The following C1QTNF8 variants were observed in gnomAD, a reference collection of about 807,000 sequenced individuals.
C1QTNF8 encodes complement C1q tumor necrosis factor-related protein 8.
A neutral mutation model predicts 19.2 loss-of-function variants in C1QTNF8; 27 were observed. The observed-to-expected ratio is 1.41, with a 90% confidence interval of 1.04 to 1.94. The LOEUF (loss-of-function observed/expected upper bound fraction) is 1.94. Ranked by LOEUF, C1QTNF8 falls within the 30% of genes most tolerant of loss-of-function variation. The pLI is 0.00. For missense variants in C1QTNF8, 484 were observed against 374.4 expected (o/e 1.29, Z -2.42); for synonymous variants, 208 against 172.8 (o/e 1.20, Z -1.60).
In C1QTNF8 at chr16:1,094,802, G is replaced by A. The variant is rs777177347; in HGVS notation, c.121C>T (p.Arg41Trp). ...RPAWPPGPYARVSDRDLWRGD... is the reference protein window; with the variant it reads ...RPAWPPGPYAWVSDRDLWRGD... ...CTCCACAGGTCCCTGTCACTCACCC[G>A]GGCATAGGGTCCAGGGGGCCAGGCC... The change falls in exon 3 of 5, where the codon CGG (arginine) becomes TGG (tryptophan). Residue 41 changes from arginine (R) to tryptophan (W), a missense_variant. Coordinates refer to ENST00000328449, the MANE Select transcript of C1QTNF8 (RefSeq NM_207419.3). 32 of 1,527,420 alleles carry A rather than the reference G, an allele frequency of 2.1e-5. No individual in the cohort carries two copies. Among genetic ancestry groups the A allele is most frequent in the Middle Eastern group, 1.7e-4 (1 of 5,738 alleles). 94.6% of individuals were successfully genotyped at this position (1,527,420 alleles called of 1,614,324 possible).
In C1QTNF8 at chr16:1,094,875, C is replaced by A. The variant is rs1229127027; in HGVS notation, c.48G>T (p.Gly16=). The A allele has an allele frequency of 7.2e-7, 1 of 1,397,184 alleles. No individual in the cohort carries two copies. Among genetic ancestry groups the A allele is most frequent in the East Asian group, 2.8e-5 (1 of 35,838 alleles). The allele number at this position is 1,397,184 out of a possible 1,614,324, so 86.5% of individuals were successfully genotyped here. A position where few individuals can be genotyped will look rare whatever the true frequency, so the allele number is the denominator to read the frequency against. The change falls in exon 3 of 5, where the codon GGG becomes GGT. Residue 16 remains glycine, a synonymous_variant. Coordinates refer to ENST00000328449, the MANE Select transcript of C1QTNF8 (RefSeq NM_207419.3). ...GCCTCCTGGGCAGCCCGGGCCAGGC[C>A]CCCACGGGCAGCAGCAGTGCTAGGA... ...LLLLALLLPV[G]AWPGLPRRPC...
At chr16:1,093,454 A>ACGCGCGCC in intron 4 of C1QTNF8, 43 bp downstream of exon 4, 1 of 1,208,086 alleles carries the variant, frequency 8.3e-7, no homozygotes, top group African/African-American at 2.5e-5. Context: ...ACACACACAC[A>ACGCGCGCC]CACGCGCGCG....
Position 1,093,818 on chromosome 16 carries a change from C to A in C1QTNF8, c.442G>T (p.Ala148Ser), listed in dbSNP as rs917368351. The change falls in exon 4 of 5, where the codon GCC becomes TCC. Residue 148 changes from alanine to serine, a missense_variant. By Grantham distance (99) the Ala-to-Ser change is moderately conservative. Coordinates refer to ENST00000328449, the MANE Select transcript of C1QTNF8 (RefSeq NM_207419.3). ...AAGCGGCCCGCGGCCAGGTCGAAGG[C>A]GCCGTCCAGGTTCACCAGCTCCGTG... ...FDTELVNLDG[A>S]FDLAAGRFLC... The A allele has an allele frequency of 6.2e-7, 1 of 1,609,920 alleles. No homozygotes were observed. The highest frequency in any genetic ancestry group is 8.5e-7 in the Non-Finnish European group (1 of 1,179,564).
chr16:1,091,360 A>G (rs1163972441), intron 4 of C1QTNF8, among the ~76,000 whole-genome samples: 2 of 152,040 alleles, frequency 1.3e-5, no homozygotes, highest in African/African-American at 4.8e-5. Flanking sequence ...CGCTGCCACA[A>G]ATAGCACACC....
intron 4 of C1QTNF8, among the ~76,000 whole-genome samples, chr16:1,092,410 T>TCAATCACTGCACACAGTCGGCACTCAAC: frequency 9.8e-6 from 1 of 101,762 alleles, no homozygotes; most frequent in South Asian, 3.3e-4. Context: ...CGGCGCTCAA[T>TCAATCACTGCACACAGTCGGCACTCAAC]CAATCACTGC....
chr16:1,093,618 GC>G lies in C1QTNF8; in HGVS notation c.641del (p.Gly214AlafsTer253). 6.2e-7 allele frequency: 1 copy of G among 1,605,876 alleles called. No individual in the cohort carries two copies. The highest frequency in any genetic ancestry group is 8.5e-7 in the Non-Finnish European group (1 of 1,176,460). ...AQSLMLLLAA[G>X]DAVWVRMFQR... Reference sequence around the variant, plus strand: ...GGAACATGCGCACCCAGACGGCGTCGCCCGCCGCCAGCAGCAGCATCAGGCT... The same window carrying G: ...GGAACATGCGCACCCAGACGGCGTCGCCGCCGCCAGCAGCAGCATCAGGCT... On this transcript the variant is annotated frameshift_variant, in exon 4 of 5. Coordinates refer to ENST00000328449, the MANE Select transcript of C1QTNF8 (RefSeq NM_207419.3). LOFTEE classifies it high-confidence loss of function.
rs1228601823 is a variant in C1QTNF8, at chr16:1,093,526, A to T, written c.734T>A (p.Leu245Gln). Residue 245 changes from leucine to glutamine, a missense_variant, in exon 4 of 5, where the codon CTG becomes CAG. Transcript: ENST00000328449. ...GDLYITFSGH[L>Q]VKPAAEL Reference sequence around the variant, plus strand: ...CTACAGCTCGGCGGCCGGCTTGACCAGGTGGCCGCTGAAGGTGATGTAGAG... The same window carrying T: ...CTACAGCTCGGCGGCCGGCTTGACCTGGTGGCCGCTGAAGGTGATGTAGAG... 1 of 1,548,852 alleles carries T rather than the reference A, an allele frequency of 6.5e-7. No homozygotes were observed. The highest frequency in any genetic ancestry group is 8.7e-7 in the Non-Finnish European group (1 of 1,144,518).
rs1246172765 is a variant in C1QTNF8 at position 1,093,812 on chromosome 16, C to T, written c.448G>A (p.Asp150Asn). The change falls in exon 4 of 5, where the codon GAC (aspartate) becomes AAC (asparagine). Residue 150 changes from aspartate to asparagine, a missense_variant. By Grantham distance (23) the Asp-to-Asn change is conservative. Coordinates refer to ENST00000328449, the MANE Select transcript of C1QTNF8 (RefSeq NM_207419.3). ...CAGAGGAAGCGGCCCGCGGCCAGGT[C>T]GAAGGCGCCGTCCAGGTTCACCAGC... ...TELVNLDGAF[D>N]LAAGRFLCTV... is the part of the protein sequence containing the mutation. The T allele has an allele frequency of 2.5e-6, 4 of 1,610,230 alleles. No individual in the cohort carries two copies. The highest frequency in any genetic ancestry group is 1.7e-5 in the Admixed American group (1 of 59,968).
intron 4 of C1QTNF8, among the ~76,000 whole-genome samples, chr16:1,091,267 T>C (rs1960538326): frequency 6.6e-6 from 1 of 152,086 alleles, no homozygotes; most frequent in African/African-American, 2.4e-5. Context: ...CACCCGGGGA[T>C]GCTTTATGGA....
At chr16:1,094,459 G>T (rs1960641654) in intron 3 of C1QTNF8, 7 of 485,018 alleles carry the variant, frequency 1.4e-5, no homozygotes, top group Non-Finnish European at 2.5e-5. Context: ...TGCTACTTTG[G>T]GGATCTCAGG....
Position 1,093,625 on chromosome 16 carries a change from G to C in C1QTNF8, c.635C>G (p.Ala212Gly). The C allele has an allele frequency of 2.5e-6, 4 of 1,607,922 alleles. No individual in the cohort carries two copies. The highest frequency in any genetic ancestry group is 3.4e-6 in the Non-Finnish European group (4 of 1,177,430). Residue 212 changes from alanine to glycine, a missense_variant, in exon 4 of 5, where the codon GCG becomes GGG. Physicochemically the swap from Ala to Gly is moderately conservative, Grantham distance 60 (BLOSUM62 0). Coordinates refer to ENST00000328449, the MANE Select transcript of C1QTNF8 (RefSeq NM_207419.3). ...MQAQSLMLLL[A>G]AGDAVWVRMF... ...GCGCACCCAGACGGCGTCGCCCGCC[G>C]CCAGCAGCAGCATCAGGCTCTGGGC... is the stretch of plus-strand genomic sequence containing the variant.
chr16:1,094,518 G>C (rs1172886280), intron 3 of C1QTNF8, 197 bp downstream of exon 3: 1 of 502,214 alleles, frequency 2.0e-6, no homozygotes, highest in Non-Finnish European at 3.5e-6. Flanking sequence ...TTTGGTTCAT[G>C]GGTCCCTCCC....
chr16:1,091,549 C>T (rs1326931187), intron 4 of C1QTNF8, among the ~76,000 whole-genome samples: 2 of 152,152 alleles, frequency 1.3e-5, no homozygotes, highest in South Asian at 2.1e-4. Flanking sequence ...GTGACCAGAG[C>T]TGGGCCAGCC....
At chr16:1,094,988 C>T (rs1278157141) in intron 2 of C1QTNF8, 55 bp from the exon 3 acceptor site, 3 of 799,738 alleles carry the variant, frequency 3.8e-6, no homozygotes, top group Admixed American at 8.1e-5. Context: ...AGCTGGAGCC[C>T]CCAGACCCTA....
Position 1,089,568 on chromosome 16 carries a change from G to A in C1QTNF8, c.*1031C>T, listed in dbSNP as rs528590498. On this transcript the variant is annotated 3_prime_UTR_variant, in exon 5 of 5. Coordinates refer to ENST00000328449, the MANE Select transcript of C1QTNF8 (RefSeq NM_207419.3). ...GAGCTGGCAGGGACACGGGCTCTGT[G>A]TGGGGTGGGCGGGACGTGGCTGCAG... Among the ~76,000 whole-genome samples, 18 of 152,356 alleles carry A rather than the reference G, an allele frequency of 1.2e-4. No homozygotes were observed. Among genetic ancestry groups the A allele is most frequent in the African/African-American group, 4.3e-4 (18 of 41,590 alleles).
In C1QTNF8 at chr16:1,088,798, G is replaced by A. The variant is rs1162278104; in HGVS notation, c.*1801C>T. On this transcript the variant is annotated 3_prime_UTR_variant, in exon 5 of 5. Coordinates refer to ENST00000328449, the MANE Select transcript of C1QTNF8 (RefSeq NM_207419.3). ...GCCCGCCTGACCCCTGCTGCAGCCCGACCCCTGCCCGCCTGACCCCTGCTG... is the reference window on the plus strand; with the variant it reads ...GCCCGCCTGACCCCTGCTGCAGCCCAACCCCTGCCCGCCTGACCCCTGCTG... 7.0e-6 allele frequency among the ~76,000 whole-genome samples: 1 copy of A among 143,594 alleles called. No individual in the cohort carries two copies. The highest frequency in any genetic ancestry group is 1.5e-5 in the Non-Finnish European group (1 of 65,710). The allele number at this position is 143,594 out of a possible 152,430, so 94.2% of individuals were successfully genotyped here. A position where few individuals can be genotyped will look rare whatever the true frequency, so the allele number is the denominator to read the frequency against.
At chr16:1,092,971 C>G (rs56095822) in intron 4 of C1QTNF8, among the ~76,000 whole-genome samples, 124 of 12,564 alleles carry the variant, frequency 9.9e-3, no homozygotes, top group Middle Eastern at 0.062. Flanking sequence ...GGCGCTCAAC[C>G]AATCCCTGCA....
chr16:1,094,469 G>A (rs1960641890), intron 3 of C1QTNF8: 1 of 486,290 alleles, frequency 2.1e-6, no homozygotes, highest in Non-Finnish European at 3.6e-6. Context: ...GGGATCTCAG[G>A]AACCCTGGCC....
At position 1,093,456 on chromosome 16, in the gene C1QTNF8, A is replaced by ACACGCGCGCGCG. The variant is rs1555492668; in HGVS notation, c.*4+40_*4+41insCGCGCGCGCGTG. The ACACGCGCGCGCG allele has an allele frequency of 4.6e-4, 531 of 1,159,836 alleles. 8 individuals carry two copies. The African/African-American group carries it at 0.01, about 22-fold the overall frequency. 71.8% of individuals were successfully genotyped at this position (1,159,836 alleles called of 1,614,324 possible). A position where few individuals can be genotyped will look rare whatever the true frequency, so the allele number is the denominator to read the frequency against. On this transcript the variant is annotated intron_variant, in intron 4 of 4. Coordinates refer to ENST00000328449, the MANE Select transcript of C1QTNF8 (RefSeq NM_207419.3). ...CACACACACACAGACACACACACAC[A>ACACGCGCGCGCG]CGCGCGCGCGCGCCCGGTGCTCAGC...
Sources: gnomAD v4.1 joint callset for allele counts (sites outside exome capture counted in the v4.1 genomes callset) on GRCh38, gnomAD v4.1.1 for gene constraint, MANE v1.5 for transcripts, NCBI Gene and HGNC (gene_info 2026-07-23, HGNC 2026-07-21) for gene names.